The following KCNK12 variants were observed in gnomAD, a reference collection of about 807,000 sequenced individuals.
The protein encoded by KCNK12 is potassium channel subfamily K member 12.
KCNK12 carries 6 observed loss-of-function variants against 25.3 expected under a neutral mutation model. The observed-to-expected ratio is 0.24, with a 90% CI of 0.13 to 0.47. The LOEUF (loss-of-function observed/expected upper bound fraction) is 0.47. Ranked by LOEUF, KCNK12 falls within the 20% of genes least tolerant of loss-of-function variation. The probability of loss-of-function intolerance (pLI) is 0.99; values close to 1 mark genes in which losing one functional copy is unlikely to be tolerated. For synonymous variants in KCNK12, 331 were observed against 311.1 expected (o/e 1.06, Z -0.67); for missense variants, 444 against 661.7 (o/e 0.67, Z 3.61).
rs79711313 is a variant in KCNK12, at chr2:47,535,104, G to A, written c.392-13296C>T. On this transcript the variant is annotated intron_variant, in intron 1 of 1. Coordinates refer to ENST00000327876, the MANE Select transcript of KCNK12 (RefSeq NM_022055.2). The stretch of plus-strand genomic sequence containing the variant: ...CACAGAGGCCACTCCTTAAGGGCCC[G>A]GCTCCCTCAAACTGAGGTGTCCCCA... 522 of 230,940 alleles carry A rather than the reference G, an allele frequency of 2.3e-3. 5 individuals are homozygous for A. Among genetic ancestry groups the A allele is most frequent in the African/African-American group, 9.9e-3 (449 of 45,300 alleles). 14.3% of individuals were successfully genotyped at this position (230,940 alleles called of 1,614,324 possible). A position where few individuals can be genotyped will look rare whatever the true frequency, so the allele number is the denominator to read the frequency against.
intron 1 of KCNK12, among the ~76,000 whole-genome samples, chr2:47,545,144 TC>T (rs945102126): frequency 5.1e-4 from 77 of 152,268 alleles, no homozygotes; most frequent in African/African-American, 1.8e-3. Flanking sequence ...GGAGGTTAGA[TC>T]ATCACTGGCA....
chr2:47,559,835 A>G (rs1280094837), intron 1 of KCNK12, among the ~76,000 whole-genome samples: 1 of 152,180 alleles, frequency 6.6e-6, no homozygotes, highest in African/African-American at 2.4e-5. Context: ...GCACCATTTG[A>G]GCTGGATCTT....
rs1323851175 is a variant in KCNK12, at chr2:47,529,841, G to A, written c.392-8033C>T. 2.0e-5 allele frequency among the ~76,000 whole-genome samples: 3 copies of A among 152,194 alleles called. No homozygotes were observed. Among genetic ancestry groups the A allele is most frequent in the African/African-American group, 4.8e-5 (2 of 41,448 alleles). On this transcript the variant is annotated intron_variant, in intron 1 of 1. Transcript: ENST00000327876. The surrounding 1 kb of genome is among the most constrained non-coding windows in gnomAD (Gnocchi z 4.3). ...GAACACCCAGTTAAATATGACTTGG[G>A]TAAACAAGAAATCATTTTTTAAGTA...
intron 1 of KCNK12, among the ~76,000 whole-genome samples, chr2:47,532,691 C>A (rs1318112203): frequency 2.0e-5 from 3 of 152,208 alleles, no homozygotes; most frequent in African/African-American, 7.2e-5. Context: ...CTCAGGTTGA[C>A]CCTACAGGAG....
intron 1 of KCNK12, among the ~76,000 whole-genome samples, chr2:47,536,356 G>T (rs1669066748): frequency 6.6e-6 from 1 of 152,162 alleles, no homozygotes; most frequent in African/African-American, 2.4e-5. Flanking sequence ...ATGTTAGCTT[G>T]CCAGTGAGGA....
At chr2:47,545,049 G>A (rs1032213615) in intron 1 of KCNK12, among the ~76,000 whole-genome samples, 1 of 152,020 alleles carries the variant, frequency 6.6e-6, no homozygotes, top group African/African-American at 2.4e-5. Context: ...AAGACCACTC[G>A]TTTTGTCATT....
rs1668605024 is a variant in KCNK12 at position 47,519,683 on chromosome 2, C to T, written c.*1224G>A. 6.6e-6 allele frequency: 1 copy of T among 152,300 alleles called. No homozygotes were observed. Among genetic ancestry groups the T allele is most frequent in the South Asian group, 2.1e-4 (1 of 4,838 alleles). The allele number at this position is 152,300 out of a possible 1,614,324, so 9.4% of individuals were successfully genotyped here. On this transcript the variant is annotated 3_prime_UTR_variant, in exon 2 of 2. Transcript: ENST00000327876. ...ATCCACCAGTTTCACCAGCTACCTC[C>T]CTCCTGCCTTCCTCTGCCTCCAATA...
rs1448948042 is a variant in KCNK12, at chr2:47,512,162, C to T, written c.*8745G>A. Reference sequence around the variant, plus strand: ...CTGCATCCAGATGGCTGGTCCTGCTCCTCCCAGTCCATGGAGAAAAAAGAA... The same window carrying T: ...CTGCATCCAGATGGCTGGTCCTGCTTCTCCCAGTCCATGGAGAAAAAAGAA... On this transcript the variant is annotated 3_prime_UTR_variant, in exon 2 of 2. Coordinates refer to ENST00000327876, the MANE Select transcript of KCNK12 (RefSeq NM_022055.2). 2 of 1,023,992 alleles carry T rather than the reference C, an allele frequency of 2.0e-6. No individual in the cohort carries two copies. The highest frequency in any genetic ancestry group is 2.8e-5 in the Admixed American group (1 of 35,538). 63.4% of individuals were successfully genotyped at this position (1,023,992 alleles called of 1,614,324 possible).
rs1295176011 is a variant in KCNK12, at chr2:47,555,611, G to A, written c.391+14330C>T. 6.6e-6 allele frequency among the ~76,000 whole-genome samples: 1 copy of A among 152,052 alleles called. No individual in the cohort carries two copies. Among genetic ancestry groups the A allele is most frequent in the Admixed American group, 6.6e-5 (1 of 15,266 alleles). ...AAAATGGTATACAACTTCTTTTTAG[G>A]TAATTCCTTTTCTATGAAGGCCTCC... On this transcript the variant is annotated intron_variant, in intron 1 of 1. Transcript: ENST00000327876. The surrounding 1 kb of genome is among the most constrained non-coding windows in gnomAD (Gnocchi z 4.5).
chr2:47,530,565 G>A (rs1340703161), intron 1 of KCNK12, among the ~76,000 whole-genome samples: 3 of 152,130 alleles, frequency 2.0e-5, no homozygotes, highest in African/African-American at 4.8e-5. Flanking sequence ...CTATTTCCAC[G>A]CACCGTGCCA....
intron 1 of KCNK12, chr2:47,564,993 C>T (rs540984174): frequency 4.0e-5 from 6 of 151,486 alleles, no homozygotes; most frequent in Admixed American, 3.3e-4. Context: ...TGTAGCGAGG[C>T]CCTGTCTCTT....
chr2:47,539,164 C>T (rs750194339), intron 1 of KCNK12, among the ~76,000 whole-genome samples: 1 of 152,204 alleles, frequency 6.6e-6, no homozygotes, highest in Non-Finnish European at 1.5e-5. Context: ...GACAGGGAAA[C>T]TGAATCCAGG....
Position 47,528,056 on chromosome 2 carries a change from T to C in KCNK12, c.392-6248A>G, listed in dbSNP as rs1368360297. Among the ~76,000 whole-genome samples the C allele has an allele frequency of 6.6e-6, 1 of 152,180 alleles. No individual in the cohort carries two copies. Among genetic ancestry groups the C allele is most frequent in the African/African-American group, 2.4e-5 (1 of 41,438 alleles). On this transcript the variant is annotated intron_variant, in intron 1 of 1. Transcript: ENST00000327876. This position sits in a 1 kb window ranked among gnomAD's most constrained non-coding sequence, Gnocchi z 4.5. ...CGCATATAGTCTGGGCCAGAACTTG[T>C]CCTGGGGTCTTCTTACGGCCCTGGT...
intron 1 of KCNK12, among the ~76,000 whole-genome samples, chr2:47,534,359 C>T (rs1462938970): frequency 6.6e-6 from 1 of 152,006 alleles, no homozygotes; most frequent in East Asian, 1.9e-4. Context: ...AACAACCTCT[C>T]CTGGGGAGCA....
rs1668460709 is a variant in KCNK12 at position 47,513,820 on chromosome 2, A to G, written c.*7087T>C. Among the ~76,000 whole-genome samples the G allele has an allele frequency of 6.6e-6, 1 of 151,982 alleles. No individual in the cohort carries two copies. The highest frequency in any genetic ancestry group is 1.5e-5 in the Non-Finnish European group (1 of 67,996). On this transcript the variant is annotated 3_prime_UTR_variant, in exon 2 of 2. Transcript: ENST00000327876. ...AGTCTTATCATCCCCATCCAGGCAA[A>G]TCATTGATTCTGTGGACCTACTCTT...
Position 47,570,224 on chromosome 2 carries a change from G to T in KCNK12, c.108C>A (p.Thr36=). The part of the protein sequence containing the change: ...CCRRSHLNED[T]GRFVLLAALI... ...GCGCCGCCAGCAGCACGAAGCGGCCGGTGTCCTCGTTGAGGTGCGAACGGC... is the reference window on the plus strand; with the variant it reads ...GCGCCGCCAGCAGCACGAAGCGGCCTGTGTCCTCGTTGAGGTGCGAACGGC... The change falls in exon 1 of 2, where the codon ACC becomes ACA. Residue 36 remains threonine (T), a synonymous_variant. Transcript: ENST00000327876. 1 of 1,485,120 alleles carries T rather than the reference G, an allele frequency of 6.7e-7. No homozygotes were observed. Among genetic ancestry groups the T allele is most frequent in the South Asian group, 1.3e-5 (1 of 79,950 alleles). 92.0% of individuals were successfully genotyped at this position (1,485,120 alleles called of 1,614,324 possible).
chr2:47,551,782 C>A lies in KCNK12; in HGVS notation c.391+18159G>T, dbSNP rs574760768. 2.6e-5 allele frequency among the ~76,000 whole-genome samples: 4 copies of A among 152,344 alleles called. No individual in the cohort carries two copies. The highest frequency in any genetic ancestry group is 5.9e-5 in the Non-Finnish European group (4 of 68,030). ...CAGATTATTGGTTTAAGATTCAGTT[C>A]TAGCCACAGGCTGCACTGTGCATAA... On this transcript the variant is annotated intron_variant, in intron 1 of 1. Coordinates refer to ENST00000327876, the MANE Select transcript of KCNK12 (RefSeq NM_022055.2). This position sits in a 1 kb window ranked among gnomAD's most constrained non-coding sequence, Gnocchi z 5.3.
At position 47,528,072 on chromosome 2, in the gene KCNK12, C is replaced by T. The variant is rs1464797006; in HGVS notation, c.392-6264G>A. On this transcript the variant is annotated intron_variant, in intron 1 of 1. Transcript: ENST00000327876. The surrounding 1 kb of genome is among the most constrained non-coding windows in gnomAD (Gnocchi z 4.5). ...CAGAACTTGTCCTGGGGTCTTCTTA[C>T]GGCCCTGGTTCAGCTTGCATTCAGC... Among the ~76,000 whole-genome samples the T allele has an allele frequency of 2.6e-5, 4 of 152,162 alleles. No individual in the cohort carries two copies. Among genetic ancestry groups the T allele is most frequent in the East Asian group, 3.9e-4 (2 of 5,192 alleles).
intron 1 of KCNK12, among the ~76,000 whole-genome samples, chr2:47,532,282 T>G (rs1429968692): frequency 6.6e-6 from 1 of 152,128 alleles, no homozygotes; most frequent in Non-Finnish European, 1.5e-5. Context: ...GGCCACCTGC[T>G]TGAGTCTGCT....
Sources: gnomAD v4.1 joint callset for allele counts (sites outside exome capture counted in the v4.1 genomes callset) on GRCh38, gnomAD v4.1.1 for gene constraint, Gnocchi (gnomAD v3.1) non-coding constraint, MANE v1.5 for transcripts, NCBI Gene and HGNC (gene_info 2026-07-23, HGNC 2026-07-21) for gene names.